The following GAS7 variants were observed in gnomAD, a reference collection of about 807,000 sequenced individuals.
GAS7 encodes growth arrest-specific protein 7.
A neutral mutation model predicts 71.1 loss-of-function variants in GAS7; 28 were observed. The observed-to-expected ratio is 0.39, with a 90% CI of 0.29 to 0.54. GAS7 has a LOEUF of 0.54. GAS7 is among the 20% of genes least tolerant of loss of function. The probability of loss-of-function intolerance (pLI) is 0.62; values close to 1 mark genes in which losing one functional copy is unlikely to be tolerated. For synonymous variants in GAS7, 258 were observed against 245.8 expected, an observed-to-expected ratio of 1.05 and a Z score of -0.46; for missense variants, 436 against 627.8, an observed-to-expected ratio of 0.69 and a Z score of 3.27.
chr17:10,105,107 G>A (rs1472365361), intron 1 of GAS7, among the ~76,000 whole-genome samples: 1 of 152,154 alleles, frequency 6.6e-6, no homozygotes, highest in Non-Finnish European at 1.5e-5. Context: ...GGAGACTCTG[G>A]CCACATACGG....
At chr17:10,156,860 C>A (rs1311395871) in intron 1 of GAS7, among the ~76,000 whole-genome samples, 3 of 152,046 alleles carry the variant, frequency 2.0e-5, no homozygotes, top group African/African-American at 7.3e-5. Flanking sequence ...CTATAAACAG[C>A]CCCTCCTTCA....
At position 10,198,138 on chromosome 17, in the gene GAS7, G is replaced by C. The variant is rs957267273; in HGVS notation, c.183+70C>G. The C allele has an allele frequency of 2.5e-5, 36 of 1,464,282 alleles. 1 individual carries two copies. Among genetic ancestry groups the C allele is most frequent in the Middle Eastern group, 2.1e-4 (1 of 4,802 alleles). 90.7% of individuals were successfully genotyped at this position (1,464,282 alleles called of 1,614,324 possible). A position where few individuals can be genotyped will look rare whatever the true frequency, so the allele number is the denominator to read the frequency against. On this transcript the variant is annotated intron_variant, in intron 1 of 13. Coordinates refer to ENST00000432992, the MANE Select transcript of GAS7 (RefSeq NM_201433.2). Reference sequence around the variant, plus strand: ...CGGGACGCTGCGGCATCCCCGGAACGGGCAACAGGTACGCGAGCGCACCGA... The same window carrying C: ...CGGGACGCTGCGGCATCCCCGGAACCGGCAACAGGTACGCGAGCGCACCGA...
intron 2 of GAS7, among the ~76,000 whole-genome samples, chr17:9,987,943 T>C (rs1360888145): frequency 6.6e-6 from 1 of 152,226 alleles, no homozygotes; most frequent in Non-Finnish European, 1.5e-5. Context: ...TGGCCCCCAG[T>C]GGCCTCCTGC....
At chr17:10,153,004 C>T (rs2074177958) in intron 1 of GAS7, among the ~76,000 whole-genome samples, 1 of 145,460 alleles carries the variant, frequency 6.9e-6, no homozygotes, top group Non-Finnish European at 1.5e-5. Context: ...ACCAGCCTGA[C>T]CAACATGGTA....
rs114754679 is a variant in GAS7, at chr17:10,185,286, G to C, written c.183+12922C>G. 4.9e-3 allele frequency among the ~76,000 whole-genome samples: 741 copies of C among 152,258 alleles called. 9 individuals carry two copies. Among genetic ancestry groups the C allele is most frequent in the African/African-American group, 0.017 (700 of 41,534 alleles). The stretch of plus-strand genomic sequence containing the variant: ...GGTTGCTGAACACATGGAGGTGCTA[G>C]GAGAGTCCAGAGAGGGCATGGAAGC... On this transcript the variant is annotated intron_variant, in intron 1 of 13. Transcript: ENST00000432992.
rs996263786 is a variant in GAS7, at chr17:9,917,118, C to G, written c.*110G>C. On this transcript the variant is annotated 3_prime_UTR_variant, in exon 14 of 14. Coordinates refer to ENST00000432992, the MANE Select transcript of GAS7 (RefSeq NM_201433.2). ...TCTGGAATCACCAGCTCTCTCCCCT[C>G]TCCTCAGTGGCCCAGGAGAGAGGGT... 4.0e-5 allele frequency: 30 copies of G among 753,230 alleles called. No individual in the cohort carries two copies. The highest frequency in any genetic ancestry group is 2.7e-4 in the Middle Eastern group (1 of 3,642). The allele number at this position is 753,230 out of a possible 1,614,324, so 46.7% of individuals were successfully genotyped here. A position where few individuals can be genotyped will look rare whatever the true frequency, so the allele number is the denominator to read the frequency against.
chr17:10,010,236 A>G (rs9914699), intron 2 of GAS7, among the ~76,000 whole-genome samples: 52,226 of 150,962 alleles, frequency 0.35, 11,485 homozygotes, highest in African/African-American at 0.64. Context: ...TGCAAGCTCC[A>G]CCTCCTGGGT....
chr17:10,079,783 T>C (rs989683521), intron 1 of GAS7, among the ~76,000 whole-genome samples: 2 of 152,238 alleles, frequency 1.3e-5, no homozygotes, highest in Non-Finnish European at 2.9e-5. Context: ...CACTCATATT[T>C]AGCTCAGAAT....
At chr17:9,984,979 A>G (rs2070586183) in intron 2 of GAS7, among the ~76,000 whole-genome samples, 1 of 150,412 alleles carries the variant, frequency 6.6e-6, no homozygotes, top group Non-Finnish European at 1.5e-5. Context: ...ACATCCACAG[A>G]GTCAAGACCG....
At chr17:10,013,994 G>A (rs2071891830) in intron 2 of GAS7, among the ~76,000 whole-genome samples, 1 of 152,178 alleles carries the variant, frequency 6.6e-6, no homozygotes, top group South Asian at 2.1e-4. Context: ...CAGTGGCCAG[G>A]CCATGTACCC....
intron 1 of GAS7, among the ~76,000 whole-genome samples, chr17:10,052,673 C>G (rs754746983): frequency 1.3e-5 from 2 of 152,234 alleles, no homozygotes; most frequent in African/African-American, 4.8e-5. Context: ...CACGCACTCA[C>G]GCTCAGTCAC....
At chr17:10,038,840 C>T (rs1207987098) in intron 1 of GAS7, among the ~76,000 whole-genome samples, 10 of 152,130 alleles carry the variant, frequency 6.6e-5, no homozygotes, top group Non-Finnish European at 1.2e-4. Flanking sequence ...GCTGGGACTA[C>T]AGGTGCGCAC....
chr17:10,029,860 A>AAC (rs2072568143), intron 1 of GAS7, among the ~76,000 whole-genome samples: 1 of 151,832 alleles, frequency 6.6e-6, no homozygotes, highest in East Asian at 1.9e-4. Context: ...TCAAAAAAAA[A>AAC]ACAATAATAA....
chr17:9,917,220 A>C lies in GAS7; in HGVS notation c.*8T>G. 25 of 1,402,194 alleles carry C rather than the reference A, an allele frequency of 1.8e-5. No homozygotes were observed. Among genetic ancestry groups the C allele is most frequent in the Non-Finnish European group, 2.2e-5 (22 of 986,666 alleles). The allele number at this position is 1,402,194 out of a possible 1,614,324, so 86.9% of individuals were successfully genotyped here. Reference sequence around the variant, plus strand: ...CCAGCAGGACCCCCCGAAGCTGCACAGGCCCATCTAGATCTCCATGTCCAC... The same window carrying C: ...CCAGCAGGACCCCCCGAAGCTGCACCGGCCCATCTAGATCTCCATGTCCAC... On this transcript the variant is annotated 3_prime_UTR_variant, in exon 14 of 14. Transcript: ENST00000432992.
chr17:10,194,763 G>A (rs1162849152), intron 1 of GAS7, among the ~76,000 whole-genome samples: 1 of 151,174 alleles, frequency 6.6e-6, no homozygotes, highest in Non-Finnish European at 1.5e-5. Flanking sequence ...CACAAGGTGA[G>A]GAGATCGAGA....
chr17:10,197,325 A>C (rs2074547766), intron 1 of GAS7, among the ~76,000 whole-genome samples: 1 of 152,138 alleles, frequency 6.6e-6, no homozygotes, highest in Non-Finnish European at 1.5e-5. Context: ...GACACCATTG[A>C]AGGTAACTGT....
intron 1 of GAS7, among the ~76,000 whole-genome samples, chr17:10,025,302 C>T (rs1186406516): frequency 4.0e-5 from 6 of 151,752 alleles, no homozygotes; most frequent in African/African-American, 1.5e-4. Context: ...TATCCAGTTA[C>T]CTTAAAGTTG....
At chr17:10,123,360 G>A (rs2073919835) in intron 1 of GAS7, among the ~76,000 whole-genome samples, 2 of 152,202 alleles carry the variant, frequency 1.3e-5, no homozygotes, top group African/African-American at 4.8e-5. Flanking sequence ...TGCTGGTTCT[G>A]TTGCTGCTGG....
chr17:10,113,066 C>G (rs927354631), intron 1 of GAS7, among the ~76,000 whole-genome samples: 24 of 152,036 alleles, frequency 1.6e-4, no homozygotes, highest in Admixed American at 3.9e-4. Flanking sequence ...GAGAGGGACC[C>G]CATCCACTCA....
Sources: allele counts gnomAD v4.1 joint callset (sites outside exome capture counted in the v4.1 genomes callset), GRCh38; gene constraint gnomAD v4.1.1; transcripts MANE v1.5; gene names NCBI Gene and HGNC (gene_info 2026-07-23, HGNC 2026-07-21).